SLC25A40: variants seen among roughly 807,000 people sequenced by gnomAD.
SLC25A40 encodes the protein mitochondrial glutathione transporter SLC25A40.
SLC25A40 carries 41 observed loss-of-function variants against 46.5 expected under a neutral mutation model. The observed-to-expected ratio is 0.88, with a 90% CI of 0.69 to 1.14. SLC25A40 has a LOEUF of 1.14. Ranked by LOEUF, SLC25A40 falls within the 50% of genes most tolerant of loss-of-function variation. The pLI is 0.00. For synonymous variants in SLC25A40, 126 were observed against 127.5 expected, an observed-to-expected ratio of 0.99 and a Z score of 0.08; for missense variants, 386 against 393.6, an observed-to-expected ratio of 0.98 and a Z score of 0.16.
At chr7:87,866,591 G>A (rs888787031) in intron 1 of SLC25A40, among the ~76,000 whole-genome samples, 5 of 152,196 alleles carry the variant, frequency 3.3e-5, no homozygotes, top group African/African-American at 1.2e-4. Context: ...GGCGTCCTCT[G>A]AGGAGAAACG....
rs1224585424 is a variant in SLC25A40, at chr7:87,856,287, C to G, written c.157+5G>C. On this transcript the variant is annotated splice_donor_5th_base_variant and intron_variant, in intron 4 of 11. Coordinates refer to ENST00000341119, the MANE Select transcript of SLC25A40 (RefSeq NM_018843.4). ...TAACATTTTTAGGGCAATTAGTACA[C>G]ATACCTTTGGGGAGTGGGTTGTTTT... 1 of 1,607,748 alleles carries G rather than the reference C, an allele frequency of 6.2e-7. No homozygotes were observed. Among genetic ancestry groups the G allele is most frequent in the Non-Finnish European group, 8.5e-7 (1 of 1,175,686 alleles).
chr7:87,873,945 C>T (rs974813421), intron 1 of SLC25A40, among the ~76,000 whole-genome samples: 4 of 152,188 alleles, frequency 2.6e-5, no homozygotes, highest in Non-Finnish European at 4.4e-5. Flanking sequence ...GTCTACCCTT[C>T]CTCTGAAGAA....
chr7:87,867,482 T>C (rs1415147382), intron 1 of SLC25A40, among the ~76,000 whole-genome samples: 2 of 152,216 alleles, frequency 1.3e-5, no homozygotes, highest in African/African-American at 4.8e-5. Flanking sequence ...GATAAATTTC[T>C]GGAATTTTTT....
At chr7:87,875,982 G>GCCCGGCTCCGGT (rs1554323138) in intron 1 of SLC25A40, 114 bp downstream of exon 1, 5 of 152,310 alleles carry the variant, frequency 3.3e-5, no homozygotes, top group African/African-American at 1.2e-4. Flanking sequence ...TGCCGCCGCT[G>GCCCGGCTCCGGT]TCCGGCTCCG....
At chr7:87,870,962 C>T (rs1001142267) in intron 1 of SLC25A40, among the ~76,000 whole-genome samples, 11 of 152,124 alleles carry the variant, frequency 7.2e-5, no homozygotes, top group African/African-American at 1.7e-4. Flanking sequence ...TTAAGCTGTC[C>T]GTGGATGGCA....
chr7:87,865,773 G>A (rs1472904542), intron 1 of SLC25A40, among the ~76,000 whole-genome samples: 1 of 151,406 alleles, frequency 6.6e-6, no homozygotes, highest in Non-Finnish European at 1.5e-5. Context: ...CTCCGTCTCG[G>A]GGGGAAAAAA....
At chr7:87,863,459 G>A (rs989814742) in intron 1 of SLC25A40, among the ~76,000 whole-genome samples, 1 of 151,918 alleles carries the variant, frequency 6.6e-6, no homozygotes, top group Non-Finnish European at 1.5e-5. Context: ...GTGATTGCCA[G>A]TTTCCTGAGG....
At chr7:87,852,636 G>C (rs1280865192) in intron 5 of SLC25A40, among the ~76,000 whole-genome samples, 1 of 152,106 alleles carries the variant, frequency 6.6e-6, no homozygotes, top group Non-Finnish European at 1.5e-5. Flanking sequence ...AGACTTACAG[G>C]TGCAATAATT....
At chr7:87,867,509 G>A (rs1025364480) in intron 1 of SLC25A40, among the ~76,000 whole-genome samples, 27 of 152,062 alleles carry the variant, frequency 1.8e-4, no homozygotes, top group Admixed American at 5.2e-4. Context: ...TTATCTTGGA[G>A]ATCACTAAGT....
chr7:87,852,278 G>GA (rs112513168), intron 5 of SLC25A40, among the ~76,000 whole-genome samples: 13 of 150,594 alleles, frequency 8.6e-5, no homozygotes, highest in Admixed American at 2.6e-4. Context: ...AAACAACTTT[G>GA]AAAAAAAAAT....
intron 3 of SLC25A40, among the ~76,000 whole-genome samples, chr7:87,858,389 T>C (rs1838646984): frequency 6.6e-6 from 1 of 152,166 alleles, no homozygotes; most frequent in Non-Finnish European, 1.5e-5. Flanking sequence ...CCTCCCCTTT[T>C]GAAATCCTTA....
At chr7:87,871,017 C>T (rs932692936) in intron 1 of SLC25A40, among the ~76,000 whole-genome samples, 5 of 152,176 alleles carry the variant, frequency 3.3e-5, no homozygotes, top group Admixed American at 6.5e-5. Flanking sequence ...CTTCAGGGGT[C>T]ACAGGCATCC....
At chr7:87,842,094 ATC>A in intron 9 of SLC25A40, 1 of 312,232 alleles carries the variant, frequency 3.2e-6, no homozygotes, top group Non-Finnish European at 6.5e-6. Flanking sequence ...ATTCTCAAGT[ATC>A]TAGTGAGCAT....
chr7:87,855,027 T>C (rs1257226317), intron 4 of SLC25A40, among the ~76,000 whole-genome samples: 2 of 151,746 alleles, frequency 1.3e-5, no homozygotes, highest in African/African-American at 2.4e-5. Flanking sequence ...CTGGGTGTGA[T>C]GGCACGTGCC....
chr7:87,867,298 C>G (rs1432007065), intron 1 of SLC25A40, among the ~76,000 whole-genome samples: 2 of 152,060 alleles, frequency 1.3e-5, no homozygotes, highest in African/African-American at 4.8e-5. Context: ...CCTTTTCATT[C>G]TTTTTATTCT....
At chr7:87,846,627 T>C (rs551634601) in intron 8 of SLC25A40, among the ~76,000 whole-genome samples, 2 of 152,320 alleles carry the variant, frequency 1.3e-5, no homozygotes, top group East Asian at 3.9e-4. Context: ...GTAGTTTTAC[T>C]TATCTTACTA....
At chr7:87,865,369 C>T (rs1838775712) in intron 1 of SLC25A40, among the ~76,000 whole-genome samples, 1 of 152,102 alleles carries the variant, frequency 6.6e-6, no homozygotes, top group African/African-American at 2.4e-5. Context: ...TTTTATATTC[C>T]TTATCTCTCA....
chr7:87,875,833 C>T (rs1838997460), intron 1 of SLC25A40, among the ~76,000 whole-genome samples: 1 of 152,210 alleles, frequency 6.6e-6, no homozygotes, highest in Admixed American at 6.5e-5. Flanking sequence ...CTGGCCAGAC[C>T]CTCCCTCAGA....
chr7:87,854,809 CAAAAA>C (rs1193322764), intron 4 of SLC25A40, among the ~76,000 whole-genome samples: 1 of 53,578 alleles, frequency 1.9e-5, no homozygotes, highest in Non-Finnish European at 3.7e-5. Flanking sequence ...AAGACTGTCT[CAAAAA>C]AAAAAAAAAA....
Sources: allele counts gnomAD v4.1 joint callset (sites outside exome capture counted in the v4.1 genomes callset), GRCh38; gene constraint gnomAD v4.1.1; transcripts MANE v1.5; gene names NCBI Gene and HGNC (gene_info 2026-07-23, HGNC 2026-07-21).